Variants in PAWR observed in about 807,000 individuals in gnomAD.
The protein encoded by PAWR is PRKC apoptosis WT1 regulator protein.
In PAWR, 23 loss-of-function variants were observed where a neutral mutation model predicts 32.0. The ratio of observed to expected loss-of-function variants is 0.72; its 90% CI spans 0.52 to 1.02. The LOEUF (loss-of-function observed/expected upper bound fraction) is 1.02. Among genes scored for constraint, PAWR ranks in the 50% least tolerant of loss-of-function variants. The probability of loss-of-function intolerance (pLI) is 0.00; values close to 1 mark genes in which losing one functional copy is unlikely to be tolerated. For synonymous variants in PAWR, 226 were observed against 187.1 expected, an observed-to-expected ratio of 1.21 and a Z score of -1.70; for missense variants, 457 against 437.7, an observed-to-expected ratio of 1.04 and a Z score of -0.39.
intron 4 of PAWR, among the ~76,000 whole-genome samples, chr12:79,601,662 TAAGAAA>T (rs1056437902): frequency 7.2e-5 from 11 of 152,140 alleles, no homozygotes; most frequent in Admixed American, 4.6e-4. Flanking sequence ...AAATAGAGCA[TAAGAAA>T]AAGACTAAAA....
At chr12:79,626,977 T>C (rs1370650680) in intron 2 of PAWR, among the ~76,000 whole-genome samples, 1 of 152,220 alleles carries the variant, frequency 6.6e-6, no homozygotes, top group Non-Finnish European at 1.5e-5. Context: ...ATTTTCTTAA[T>C]CCAGTCTATC....
At chr12:79,631,314 A>T (rs1031858429) in intron 2 of PAWR, among the ~76,000 whole-genome samples, 2 of 152,204 alleles carry the variant, frequency 1.3e-5, no homozygotes, top group Non-Finnish European at 1.5e-5. Context: ...TGCCAGTCCA[A>T]GCCAGGACAA....
At chr12:79,610,289 A>C (rs1415804163) in intron 4 of PAWR, among the ~76,000 whole-genome samples, 1 of 152,218 alleles carries the variant, frequency 6.6e-6, no homozygotes, top group Admixed American at 6.5e-5. Context: ...TTTACCTAGC[A>C]TTTCTGGTGA....
intron 2 of PAWR, among the ~76,000 whole-genome samples, chr12:79,649,055 A>T (rs1876716845): frequency 1.3e-5 from 2 of 152,316 alleles, no homozygotes; most frequent in Non-Finnish European, 2.9e-5. Context: ...GGTAAATACC[A>T]CTGGCCCTAG....
chr12:79,648,619 A>AAT (rs2136790653), intron 2 of PAWR, among the ~76,000 whole-genome samples: 1 of 141,392 alleles, frequency 7.1e-6, no homozygotes, highest in Admixed American at 7.1e-5. Context: ...CCTGTCTCTA[A>AAT]AAAAAAAAAA....
At chr12:79,627,952 C>G (rs533923029) in intron 2 of PAWR, among the ~76,000 whole-genome samples, 2 of 152,080 alleles carry the variant, frequency 1.3e-5, no homozygotes, top group Non-Finnish European at 2.9e-5. Context: ...CTGCACCAAG[C>G]GGACCTAATA....
chr12:79,624,393 G>C (rs1875177812), intron 2 of PAWR, among the ~76,000 whole-genome samples: 1 of 152,106 alleles, frequency 6.6e-6, no homozygotes, highest in Non-Finnish European at 1.5e-5. Context: ...ACCAAGATGA[G>C]ACAAATCATC....
chr12:79,592,709 A>G lies in PAWR; in HGVS notation c.937-16T>C, dbSNP rs772572217. On this transcript the variant is annotated splice_polypyrimidine_tract_variant and intron_variant, in intron 6 of 6. Coordinates refer to ENST00000328827, the MANE Select transcript of PAWR (RefSeq NM_002583.4). ...CATCTAGGTCCTTAAGAAAAAAAAA[A>G]GACACTTTAAAAATACTTAAAAATA... The G allele has an allele frequency of 4.1e-6, 3 of 724,452 alleles. No homozygotes were observed. Among genetic ancestry groups the G allele is most frequent in the Non-Finnish European group, 4.9e-6 (2 of 404,298 alleles). 44.9% of individuals were successfully genotyped at this position (724,452 alleles called of 1,614,324 possible).
Position 79,585,332 on chromosome 12 carries a change from G to A in PAWR, c.*7275C>T, listed in dbSNP as rs1050322465. On this transcript the variant is annotated 3_prime_UTR_variant, in exon 7 of 7. Transcript: ENST00000328827. The stretch of plus-strand genomic sequence containing the variant: ...AAACAGATTGAGCCCCATCTGCAAA[G>A]TTTGTGACTCAAGTGTTGGGTGGGG... The A allele has an allele frequency of 3.8e-5, 9 of 237,740 alleles. No individual in the cohort carries two copies. The highest frequency in any genetic ancestry group is 9.3e-5 in the African/African-American group (4 of 42,908). 14.7% of individuals were successfully genotyped at this position (237,740 alleles called of 1,614,324 possible).
At chr12:79,658,926 G>C (rs1408171329) in intron 2 of PAWR, among the ~76,000 whole-genome samples, 1 of 150,870 alleles carries the variant, frequency 6.6e-6, no homozygotes, top group Non-Finnish European at 1.5e-5. Flanking sequence ...CTCTCAAAGT[G>C]CTGGGATTAC....
At chr12:79,671,526 G>A (rs1565700353) in intron 2 of PAWR, among the ~76,000 whole-genome samples, 1 of 152,262 alleles carries the variant, frequency 6.6e-6, no homozygotes, top group South Asian at 2.1e-4. Context: ...GTTTTACTGT[G>A]AATGGGTATT....
intron 2 of PAWR, among the ~76,000 whole-genome samples, chr12:79,680,134 C>T (rs1285978650): frequency 2.0e-5 from 3 of 152,178 alleles, no homozygotes; most frequent in African/African-American, 4.8e-5. Flanking sequence ...GATATGAACA[C>T]ATGTTAGGGA....
chr12:79,611,250 TTATA>T (rs1261870012), intron 4 of PAWR, among the ~76,000 whole-genome samples: 2 of 146,474 alleles, frequency 1.4e-5, no homozygotes, highest in East Asian at 2.0e-4. Flanking sequence ...ACAGTATATA[TTATA>T]TATATTTATA....
intron 2 of PAWR, among the ~76,000 whole-genome samples, chr12:79,637,810 A>T (rs1321821972): frequency 6.6e-6 from 1 of 151,836 alleles, no homozygotes; most frequent in Admixed American, 6.6e-5. Flanking sequence ...TTAACATCTT[A>T]AAAAAAAGAA....
chr12:79,653,407 A>G (rs1437102173), intron 2 of PAWR, among the ~76,000 whole-genome samples: 1 of 152,174 alleles, frequency 6.6e-6, no homozygotes, highest in Non-Finnish European at 1.5e-5. Flanking sequence ...GCTTTCTACT[A>G]AAAAGCAGGA....
rs8176912 is a variant in PAWR, at chr12:79,591,059, T to C, written c.*1548A>G. ...GTAGACTATGATCAGAAACCTCAGA[T>C]GGTAACCTTTAAAAATTGTGGAATC... On this transcript the variant is annotated 3_prime_UTR_variant, in exon 7 of 7. Coordinates refer to ENST00000328827, the MANE Select transcript of PAWR (RefSeq NM_002583.4). 2,716 of 152,250 alleles carry C rather than the reference T, an allele frequency of 0.018. 53 individuals carry two copies. The highest frequency in any genetic ancestry group is 0.026 in the Non-Finnish European group (1,790 of 68,006). 9.4% of individuals were successfully genotyped at this position (152,250 alleles called of 1,614,324 possible).
At position 79,690,240 on chromosome 12, in the gene PAWR, G is replaced by A; in HGVS notation, c.5C>T (p.Ala2Val). The A allele has an allele frequency of 1.3e-6, 2 of 1,510,456 alleles. No individual in the cohort carries two copies. The highest frequency in any genetic ancestry group is 1.8e-6 in the Non-Finnish European group (2 of 1,134,138). The allele number at this position is 1,510,456 out of a possible 1,614,324, so 93.6% of individuals were successfully genotyped here. A position where few individuals can be genotyped will look rare whatever the true frequency, so the allele number is the denominator to read the frequency against. Residue 2 changes from alanine to valine, a missense_variant, in exon 2 of 7, where the codon GCG becomes GTG. Transcript: ENST00000328827. ...GCTGCTGGTCCGGTAGCCACCGGTCGCCATATTCCCAAAGGGGCCGGTCGG... is the reference window on the plus strand; with the variant it reads ...GCTGCTGGTCCGGTAGCCACCGGTCACCATATTCCCAAAGGGGCCGGTCGG... M[A>V]TGGYRTSSGL... is the part of the protein sequence containing the mutation.
Position 79,690,326 on chromosome 12 carries a change from C to A in PAWR, c.-82G>T. 7.3e-7 allele frequency: 1 copy of A among 1,360,678 alleles called. No homozygotes were observed. The highest frequency in any genetic ancestry group is 9.4e-7 in the Non-Finnish European group (1 of 1,060,420). The allele number at this position is 1,360,678 out of a possible 1,614,324, so 84.3% of individuals were successfully genotyped here. On this transcript the variant is annotated 5_prime_UTR_variant, in exon 2 of 7. Coordinates refer to ENST00000328827, the MANE Select transcript of PAWR (RefSeq NM_002583.4). ...GCTGCCTCCTCTTCCTTCCTGCGGC[C>A]CCGAGGATGCCAGGAGACGACCTCC...
At chr12:79,673,883 A>G (rs931683271) in intron 2 of PAWR, among the ~76,000 whole-genome samples, 2 of 152,184 alleles carry the variant, frequency 1.3e-5, no homozygotes, top group Admixed American at 6.5e-5. Flanking sequence ...ATTACAAAAC[A>G]CTGCTGAAAG....
Sources: gnomAD v4.1 joint callset for allele counts (sites outside exome capture counted in the v4.1 genomes callset) on GRCh38, gnomAD v4.1.1 for gene constraint, MANE v1.5 for transcripts, NCBI Gene and HGNC (gene_info 2026-07-23, HGNC 2026-07-21) for gene names.